GRIN2B: variants seen among roughly 807,000 people sequenced by gnomAD.
GRIN2B encodes glutamate ionotropic receptor NMDA type subunit 2B.
GRIN2B carries 5 observed loss-of-function variants against 114.5 expected under a neutral mutation model. The observed-to-expected ratio is 0.04, with a 90% CI of 0.02 to 0.09. The LOEUF is 0.09. Among genes scored for constraint, GRIN2B ranks in the 10% least tolerant of loss-of-function variants. GRIN2B has a pLI of 1.00. For missense variants in GRIN2B, 1,108 were observed against 1,943.5 expected (o/e 0.57, Z 8.08); for synonymous variants, 787 against 745.1 (o/e 1.06, Z -0.92).
intron 3 of GRIN2B, among the ~76,000 whole-genome samples, chr12:13,808,751 AAATAT>A (rs1316605683): frequency 1.6e-5 from 2 of 126,800 alleles, no homozygotes; most frequent in Non-Finnish European, 3.5e-5. Context: ...AATAAAAAAA[AAATAT>A]ATATATATAT....
At chr12:13,574,070 G>C (rs1334429453) in intron 10 of GRIN2B, among the ~76,000 whole-genome samples, 1 of 152,174 alleles carries the variant, frequency 6.6e-6, no homozygotes, top group Non-Finnish European at 1.5e-5. Context: ...GGCCACTCAG[G>C]GTTAACTAGC....
At chr12:13,605,777 T>G (rs1174061287) in intron 10 of GRIN2B, among the ~76,000 whole-genome samples, 1 of 152,134 alleles carries the variant, frequency 6.6e-6, no homozygotes, top group Non-Finnish European at 1.5e-5. Context: ...AAACATTCAG[T>G]TGTTACTGCG....
rs1866508646 is a variant in GRIN2B at position 13,904,605 on chromosome 12, G to A, written c.-18-38379C>T. On this transcript the variant is annotated intron_variant, in intron 2 of 13. Transcript: ENST00000609686. ...CTTGCATCTCAGACATTTCATCTTG[G>A]GCTTATGTTCATTAGAATATCGTTT... Among the ~76,000 whole-genome samples, 5 of 151,702 alleles carry A rather than the reference G, an allele frequency of 3.3e-5. No individual in the cohort carries two copies. The South Asian group carries it at 1.0e-3, about 32-fold the overall frequency.
chr12:13,570,136 AAGGTTT>A, intron 11 of GRIN2B, 119 bp from the exon 12 acceptor site: 1 of 754,602 alleles, frequency 1.3e-6, no homozygotes, highest in Non-Finnish European at 2.3e-6. Context: ...GGTTCAAAGT[AAGGTTT>A]AAGTTGGAAC....
intron 3 of GRIN2B, among the ~76,000 whole-genome samples, chr12:13,780,457 C>T (rs1421461306): frequency 6.6e-6 from 1 of 152,154 alleles, no homozygotes; most frequent in Non-Finnish European, 1.5e-5. Context: ...TATCCATTCC[C>T]AACCATGGCT....
chr12:13,778,616 C>G (rs1452995218), intron 3 of GRIN2B, among the ~76,000 whole-genome samples: 2 of 152,204 alleles, frequency 1.3e-5, no homozygotes, highest in Admixed American at 6.5e-5. Context: ...CTTATCTTAA[C>G]AACTGCACAA....
intron 5 of GRIN2B, among the ~76,000 whole-genome samples, chr12:13,620,028 A>G (rs1319371320): frequency 6.6e-6 from 1 of 152,226 alleles, no homozygotes; most frequent in Non-Finnish European, 1.5e-5. Context: ...GGCTTTGGTA[A>G]TTACTGTAAT....
chr12:13,943,097 G>A lies in GRIN2B; in HGVS notation c.-19+36831C>T, dbSNP rs915863063. Among the ~76,000 whole-genome samples, 6 of 152,084 alleles carry A rather than the reference G, an allele frequency of 3.9e-5. No homozygotes were observed. The East Asian group carries it at 9.6e-4, about 24-fold the overall frequency. ...GACTTCTAGCCTTAGAGCAGCCACTGCTCCCGTCTGATAAGAGCACACCCC... is the reference window on the plus strand; with the variant it reads ...GACTTCTAGCCTTAGAGCAGCCACTACTCCCGTCTGATAAGAGCACACCCC... On this transcript the variant is annotated intron_variant, in intron 2 of 13. Transcript: ENST00000609686.
At chr12:13,981,157 C>T (rs1863130739) in intron 1 of GRIN2B, among the ~76,000 whole-genome samples, 185 bp downstream of exon 1, 1 of 104,428 alleles carries the variant, frequency 9.6e-6, no homozygotes, top group Admixed American at 1.2e-4. Context: ...CACCCCCTCC[C>T]CCACAAAAAA....
At chr12:13,573,878 T>G (rs1948738946) in intron 10 of GRIN2B, among the ~76,000 whole-genome samples, 1 of 152,214 alleles carries the variant, frequency 6.6e-6, no homozygotes, top group African/African-American at 2.4e-5. Context: ...AGTCATGCCG[T>G]GGTGTTAGGC....
intron 10 of GRIN2B, among the ~76,000 whole-genome samples, chr12:13,589,565 A>G (rs2136438459): frequency 6.6e-6 from 1 of 152,348 alleles, no homozygotes; most frequent in East Asian, 1.9e-4. Context: ...CCTGTACTCT[A>G]TTCCAGTAAG....
At chr12:13,908,248 A>C (rs1176871899) in intron 2 of GRIN2B, among the ~76,000 whole-genome samples, 1 of 152,094 alleles carries the variant, frequency 6.6e-6, no homozygotes, top group African/African-American at 2.4e-5. Flanking sequence ...GAAAAAAAAA[A>C]CAGAAAAGAA....
At chr12:13,942,913 C>T (rs936002900) in intron 2 of GRIN2B, among the ~76,000 whole-genome samples, 9 of 152,134 alleles carry the variant, frequency 5.9e-5, no homozygotes, top group South Asian at 2.1e-4. Flanking sequence ...AAGCCACTGT[C>T]GGAGTTATCT....
intron 9 of GRIN2B, 138 bp downstream of exon 9, chr12:13,611,587 A>T (rs573809797): frequency 4.5e-4 from 390 of 870,474 alleles, no homozygotes; most frequent in Non-Finnish European, 7.1e-4. Context: ...CAAGCTGGTG[A>T]CTTAGAAATG....
rs185253217 is a variant in GRIN2B, at chr12:13,664,967, A to G, written c.1125+10778T>C. 1.5e-4 allele frequency among the ~76,000 whole-genome samples: 23 copies of G among 152,304 alleles called. No homozygotes were observed. In the East Asian group the frequency reaches 4.3e-3, roughly 28 times the overall value. Reference sequence around the variant, plus strand: ...CCACTGCCATGATGGTTGATTTTAGAAAAGCTTTTAATTCAGAAGATGACT... The same window carrying G: ...CCACTGCCATGATGGTTGATTTTAGGAAAGCTTTTAATTCAGAAGATGACT... On this transcript the variant is annotated intron_variant, in intron 5 of 13. Coordinates refer to ENST00000609686, the MANE Select transcript of GRIN2B (RefSeq NM_000834.5).
intron 3 of GRIN2B, among the ~76,000 whole-genome samples, chr12:13,825,530 G>GTGTGTGTGTGTGTGTA (rs1302451300): frequency 2.8e-4 from 41 of 146,318 alleles, no homozygotes; most frequent in Middle Eastern, 3.6e-3. Context: ...GTGTGTGTGT[G>GTGTGTGTGTGTGTGTA]TGTATGATGG....
At chr12:13,687,841 T>C (rs968552880) in intron 4 of GRIN2B, among the ~76,000 whole-genome samples, 2 of 152,228 alleles carry the variant, frequency 1.3e-5, no homozygotes, top group Admixed American at 6.5e-5. Context: ...ACTGACATTT[T>C]TCCCCTCTTC....
rs112295537 is a variant in GRIN2B at position 13,791,206 on chromosome 12, G to C, written c.412-37291C>G. Among the ~76,000 whole-genome samples the C allele has an allele frequency of 2.7e-4, 41 of 152,288 alleles. 2 individuals are homozygous for C. Among genetic ancestry groups the C allele is most frequent in the African/African-American group, 9.6e-4 (40 of 41,572 alleles). On this transcript the variant is annotated intron_variant, in intron 3 of 13. Transcript: ENST00000609686. ...TGGCGAGGCGCGGTGGCTCACACTT[G>C]TAATCCCAGCACTTTGGGAGGCAAA...
intron 5 of GRIN2B, among the ~76,000 whole-genome samples, chr12:13,623,597 A>G (rs1401944913): frequency 1.3e-5 from 2 of 152,080 alleles, no homozygotes; most frequent in South Asian, 2.1e-4. Context: ...CTCTTTTACC[A>G]TCTAGTCACA....
Sources: gnomAD v4.1 joint callset for allele counts (sites outside exome capture counted in the v4.1 genomes callset) on GRCh38, gnomAD v4.1.1 for gene constraint, MANE v1.5 for transcripts, NCBI Gene and HGNC (gene_info 2026-07-23, HGNC 2026-07-21) for gene names.